The following LRRC41 variants were observed in gnomAD, a reference collection of about 807,000 sequenced individuals.
LRRC41 encodes the protein leucine-rich repeat-containing protein 41.
In LRRC41, 17 loss-of-function variants were observed where a neutral mutation model predicts 72.1. That is an observed-to-expected ratio of 0.24 (90% CI 0.16 to 0.35). The LOEUF (loss-of-function observed/expected upper bound fraction) is 0.35. Ranked by LOEUF, LRRC41 falls within the 10% of genes least tolerant of loss-of-function variation. LRRC41 has a pLI of 1.00. For missense variants in LRRC41, 759 were observed against 1,065.0 expected (o/e 0.71, Z 4.00); for synonymous variants, 427 against 431.0 (o/e 0.99, Z 0.11).
chr1:46,282,722 G>T (rs1322575268), intron 4 of LRRC41, among the ~76,000 whole-genome samples: 1 of 151,994 alleles, frequency 6.6e-6, no homozygotes, highest in Non-Finnish European at 1.5e-5. Context: ...GAGTGTGAAG[G>T]GGGGAAGCAT....
At chr1:46,290,925 T>G (rs1335269501) in intron 3 of LRRC41, among the ~76,000 whole-genome samples, 5 of 68,904 alleles carry the variant, frequency 7.3e-5, no homozygotes, top group South Asian at 4.9e-4. Flanking sequence ...AGTTTTTTTT[T>G]TTTTTTTTTT....
chr1:46,301,818 T>C (rs539536203), intron 1 of LRRC41, among the ~76,000 whole-genome samples: 3 of 151,892 alleles, frequency 2.0e-5, no homozygotes, highest in Admixed American at 1.3e-4. Context: ...GCCCGGGGCC[T>C]GCTCTCCTGC....
Position 46,286,991 on chromosome 1 carries a change from G to T in LRRC41, c.358-492C>A, listed in dbSNP as rs574855214. ...CCGCCACCACACCTGGCTAATTTTT[G>T]TATGTTTCATCATATTGACCAGGCT... On this transcript the variant is annotated intron_variant, in intron 3 of 9. Transcript: ENST00000617190. The surrounding 1 kb of genome is among the most constrained non-coding windows in gnomAD (Gnocchi z 5.5). 3.8e-4 allele frequency among the ~76,000 whole-genome samples: 56 copies of T among 148,800 alleles called. 1 individual carries two copies. In the South Asian group the frequency reaches 0.011, roughly 29 times the overall value.
In LRRC41 at chr1:46,303,343, C is replaced by G; in HGVS notation, c.-21G>C. 1 of 1,485,492 alleles carries G rather than the reference C, an allele frequency of 6.7e-7. No homozygotes were observed. Among genetic ancestry groups the G allele is most frequent in the Non-Finnish European group, 8.9e-7 (1 of 1,120,162 alleles). 92.0% of individuals were successfully genotyped at this position (1,485,492 alleles called of 1,614,324 possible). ...GCCATCTTGGGGAGGTGCGCGAGCC[C>G]GAGAGTGTCGCCCGCGGACCGCCAT... is the stretch of plus-strand genomic sequence containing the variant. On this transcript the variant is annotated 5_prime_UTR_variant, in exon 1 of 10. Transcript: ENST00000617190.
chr1:46,302,403 T>C lies in LRRC41; in HGVS notation c.199+721A>G. Reference sequence around the variant, plus strand: ...GCCGCTCGAGCCGATCCGAGTGGCCTCCGGCGCTCCCTGTCCTGCGGGTCG... The same window carrying C: ...GCCGCTCGAGCCGATCCGAGTGGCCCCCGGCGCTCCCTGTCCTGCGGGTCG... On this transcript the variant is annotated intron_variant, in intron 1 of 9. Coordinates refer to ENST00000617190, the MANE Select transcript of LRRC41 (RefSeq NM_006369.5). The surrounding 1 kb of genome is among the most constrained non-coding windows in gnomAD (Gnocchi z 4.7). 3.0e-6 allele frequency: 3 copies of C among 985,376 alleles called. No individual in the cohort carries two copies. The highest frequency in any genetic ancestry group is 3.6e-6 in the Non-Finnish European group (3 of 829,914). The allele number at this position is 985,376 out of a possible 1,614,324, so 61.0% of individuals were successfully genotyped here. A position where few individuals can be genotyped will look rare whatever the true frequency, so the allele number is the denominator to read the frequency against.
At chr1:46,298,237 G>T in intron 2 of LRRC41, 47 bp downstream of exon 2, 2 of 1,312,040 alleles carry the variant, frequency 1.5e-6, no homozygotes, top group Admixed American at 1.9e-5. Context: ...ACATTATGGT[G>T]CCTTGCTCAT....
intron 4 of LRRC41, among the ~76,000 whole-genome samples, chr1:46,283,022 CAA>C (rs59632701): frequency 8.9e-4 from 48 of 53,820 alleles, no homozygotes; most frequent in South Asian, 2.4e-3. Context: ...GACTCCCTGT[CAA>C]AAAAAAAAAA....
chr1:46,286,281 G>A lies in LRRC41; in HGVS notation c.576C>T (p.Ala192=). 1.2e-6 allele frequency: 2 copies of A among 1,614,234 alleles called. No homozygotes were observed. The highest frequency in any genetic ancestry group is 1.3e-5 in the African/African-American group (1 of 75,052). Residue 192 remains alanine (A), a synonymous_variant, in exon 4 of 10, where the codon GCC becomes GCT. Coordinates refer to ENST00000617190, the MANE Select transcript of LRRC41 (RefSeq NM_006369.5). The surrounding 1 kb of genome is among the most constrained non-coding windows in gnomAD (Gnocchi z 5.5). ...EPNRRVLETL[A]SSLHTLKFRH... ...GGAACTTGAGAGTGTGCAGGGAGCTGGCCAGGGTCTCCAGAACCCTGCGGT... is the reference window on the plus strand; with the variant it reads ...GGAACTTGAGAGTGTGCAGGGAGCTAGCCAGGGTCTCCAGAACCCTGCGGT...
chr1:46,282,149 G>A (rs1660791225), intron 4 of LRRC41, among the ~76,000 whole-genome samples: 1 of 152,110 alleles, frequency 6.6e-6, no homozygotes. Context: ...GGCTACATGA[G>A]GCTCAGGAAA....
In LRRC41 at chr1:46,285,144, C is replaced by A; in HGVS notation, c.1495+218G>T. ...ATTCCAGCTGGCTTGTCTCACTGCC[C>A]CTCAGGAACCCCTGCTTTCAACAAC... is the stretch of plus-strand genomic sequence containing the variant. On this transcript the variant is annotated intron_variant, in intron 4 of 9. Coordinates refer to ENST00000617190, the MANE Select transcript of LRRC41 (RefSeq NM_006369.5). The surrounding 1 kb of genome is among the most constrained non-coding windows in gnomAD (Gnocchi z 5.3). The A allele has an allele frequency of 1.7e-6, 1 of 585,068 alleles. No individual in the cohort carries two copies. The highest frequency in any genetic ancestry group is 3.1e-6 in the Non-Finnish European group (1 of 324,948). 36.2% of individuals were successfully genotyped at this position (585,068 alleles called of 1,614,324 possible).
Position 46,285,136 on chromosome 1 carries a change from T to C in LRRC41, c.1495+226A>G. On this transcript the variant is annotated intron_variant, in intron 4 of 9. Transcript: ENST00000617190. This position sits in a 1 kb window ranked among gnomAD's most constrained non-coding sequence, Gnocchi z 5.3. ...TTCTTCAGATTCCAGCTGGCTTGTCTCACTGCCCCTCAGGAACCCCTGCTT... is the reference window on the plus strand; with the variant it reads ...TTCTTCAGATTCCAGCTGGCTTGTCCCACTGCCCCTCAGGAACCCCTGCTT... The C allele has an allele frequency of 1.7e-6, 1 of 578,814 alleles. No homozygotes were observed. Among genetic ancestry groups the C allele is most frequent in the Non-Finnish European group, 3.1e-6 (1 of 321,080 alleles). The allele number at this position is 578,814 out of a possible 1,614,324, so 35.9% of individuals were successfully genotyped here.
Position 46,303,519 on chromosome 1 carries a change from G to A in LRRC41, c.-197C>T. 2 of 733,884 alleles carry A rather than the reference G, an allele frequency of 2.7e-6. No individual in the cohort carries two copies. Among genetic ancestry groups the A allele is most frequent in the East Asian group, 2.7e-5 (1 of 36,776 alleles). The allele number at this position is 733,884 out of a possible 1,614,324, so 45.5% of individuals were successfully genotyped here. ...ACTCCTAGATCAATTATACTTGGGT[G>A]TGGTATGACTAAGGGGATGTTTCTT... On this transcript the variant is annotated 5_prime_UTR_variant, in exon 1 of 10. Transcript: ENST00000617190.
rs958791336 is a variant in LRRC41, at chr1:46,279,489, C to G, written c.2143+3G>C. 6.8e-6 allele frequency: 11 copies of G among 1,614,244 alleles called. No individual in the cohort carries two copies. The highest frequency in any genetic ancestry group is 4.4e-5 in the South Asian group (4 of 91,090). On this transcript the variant is annotated splice_donor_region_variant and intron_variant, in intron 8 of 9. Coordinates refer to ENST00000617190, the MANE Select transcript of LRRC41 (RefSeq NM_006369.5). The surrounding 1 kb of genome is among the most constrained non-coding windows in gnomAD (Gnocchi z 4.5). The stretch of plus-strand genomic sequence containing the variant: ...CTCTCCCTCCCCAGGGTCTGGCCCC[C>G]ACCCAGGCGGTTCCCTGGCAGCCGG...
chr1:46,281,070 T>A, intron 5 of LRRC41, 55 bp downstream of exon 5: 1 of 1,596,274 alleles, frequency 6.3e-7, no homozygotes, highest in Non-Finnish European at 8.5e-7. Context: ...CATCTGCACC[T>A]TTGTGTGGGG....
rs1660739763 is a variant in LRRC41 at position 46,280,113 on chromosome 1, C to T, written c.2020+79G>A. 6 of 1,075,650 alleles carry T rather than the reference C, an allele frequency of 5.6e-6. No individual in the cohort carries two copies. The Admixed American group carries it at 7.1e-5, about 13-fold the overall frequency. 66.6% of individuals were successfully genotyped at this position (1,075,650 alleles called of 1,614,324 possible). A position where few individuals can be genotyped will look rare whatever the true frequency, so the allele number is the denominator to read the frequency against. On this transcript the variant is annotated intron_variant, in intron 7 of 9. Transcript: ENST00000617190. ...TGAGGACACAAGGCCAAGAAAGGAACAGTGGTTTGCTCACTCAGATTATGG... is the reference window on the plus strand; with the variant it reads ...TGAGGACACAAGGCCAAGAAAGGAATAGTGGTTTGCTCACTCAGATTATGG...
At chr1:46,284,293 T>C (rs891847033) in intron 4 of LRRC41, 2 of 152,220 alleles carry the variant, frequency 1.3e-5, no homozygotes, top group African/African-American at 2.4e-5. Flanking sequence ...AGCATAGTTG[T>C]TTGAAAGCAT....
chr1:46,283,981 G>C (rs2148315017), intron 4 of LRRC41, among the ~76,000 whole-genome samples: 1 of 152,126 alleles, frequency 6.6e-6, no homozygotes, highest in Admixed American at 6.5e-5. Flanking sequence ...CATTTTTTAA[G>C]GTAGTGAAAA....
Position 46,286,308 on chromosome 1 carries a change from G to C in LRRC41, c.549C>G (p.Pro183=). 1 of 1,614,224 alleles carries C rather than the reference G, an allele frequency of 6.2e-7. No homozygotes were observed. Among genetic ancestry groups the C allele is most frequent in the Non-Finnish European group, 8.5e-7 (1 of 1,180,038 alleles). ...LQGATELVAE[P]NRRVLETLAS... is the part of the protein sequence containing the mutation. ...CCAGGGTCTCCAGAACCCTGCGGTT[G>C]GGCTCAGCCACCAGCTCGGTTGCAC... The change falls in exon 4 of 10, where the codon CCC becomes CCG. Residue 183 remains proline, a synonymous_variant. Coordinates refer to ENST00000617190, the MANE Select transcript of LRRC41 (RefSeq NM_006369.5). This position sits in a 1 kb window ranked among gnomAD's most constrained non-coding sequence, Gnocchi z 5.5.
chr1:46,278,065 T>C lies in LRRC41; in HGVS notation c.*800A>G. ...GTAGTGACTTCAGCTGTGCCTTCTGTCCCTAGGTTGCACTGCCGACGTTGT... is the reference window on the plus strand; with the variant it reads ...GTAGTGACTTCAGCTGTGCCTTCTGCCCCTAGGTTGCACTGCCGACGTTGT... On this transcript the variant is annotated 3_prime_UTR_variant, in exon 10 of 10. Transcript: ENST00000617190. 1.2e-6 allele frequency: 2 copies of C among 1,614,110 alleles called. No homozygotes were observed. The highest frequency in any genetic ancestry group is 1.7e-6 in the Non-Finnish European group (2 of 1,179,986).
Sources: allele counts gnomAD v4.1 joint callset (sites outside exome capture counted in the v4.1 genomes callset), GRCh38; gene constraint gnomAD v4.1.1; non-coding constraint Gnocchi (gnomAD v3.1); transcripts MANE v1.5; gene names NCBI Gene and HGNC (gene_info 2026-07-23, HGNC 2026-07-21).